PRIMPOL: variants seen among roughly 807,000 people sequenced by gnomAD.
PRIMPOL encodes primase and DNA directed polymerase.
A neutral mutation model predicts 63.6 loss-of-function variants in PRIMPOL; 54 were observed. The observed-to-expected ratio is 0.85, with a 90% CI of 0.68 to 1.07. The LOEUF is 1.07. PRIMPOL is among the 50% of genes least tolerant of loss of function. The pLI, the probability that PRIMPOL is intolerant of heterozygous loss-of-function variation, is 0.00. For synonymous variants in PRIMPOL, 197 were observed against 220.2 expected, an observed-to-expected ratio of 0.89 and a Z score of 0.93; for missense variants, 610 against 648.3, an observed-to-expected ratio of 0.94 and a Z score of 0.64.
intron 13 of PRIMPOL, among the ~76,000 whole-genome samples, chr4:184,693,123 G>A (rs533066000): frequency 5.3e-5 from 8 of 152,196 alleles, no homozygotes; most frequent in African/African-American, 1.7e-4. Context: ...GTCTTAACAC[G>A]TCTCTCGAAA....
At chr4:184,687,048 T>C (rs1757152791) in intron 11 of PRIMPOL, among the ~76,000 whole-genome samples, 2 of 152,196 alleles carry the variant, frequency 1.3e-5, no homozygotes, top group Admixed American at 6.5e-5. Flanking sequence ...GAATATATCA[T>C]ACATACAAAA....
At chr4:184,667,760 C>G (rs906945783) in intron 6 of PRIMPOL, among the ~76,000 whole-genome samples, 1 of 152,192 alleles carries the variant, frequency 6.6e-6, no homozygotes, top group African/African-American at 2.4e-5. Flanking sequence ...AACAATCTTT[C>G]CAGACATCAC....
chr4:184,685,695 T>A lies in PRIMPOL; in HGVS notation c.1295+11T>A, dbSNP rs767600222. ...GAGTAATAATATAATGTAAGTAATATTAATGATTTGTGTGTATTTAACCAA... is the reference window on the plus strand; with the variant it reads ...GAGTAATAATATAATGTAAGTAATAATAATGATTTGTGTGTATTTAACCAA... On this transcript the variant is annotated intron_variant, in intron 11 of 13. Coordinates refer to ENST00000314970, the MANE Select transcript of PRIMPOL (RefSeq NM_152683.4). The A allele has an allele frequency of 1.8e-5, 22 of 1,244,816 alleles. No individual in the cohort carries two copies. Among genetic ancestry groups the A allele is most frequent in the Middle Eastern group, 2.2e-4 (1 of 4,446 alleles). 77.1% of individuals were successfully genotyped at this position (1,244,816 alleles called of 1,614,324 possible).
In PRIMPOL at chr4:184,689,253, G is replaced by A. The variant is rs191889056; in HGVS notation, c.1296-2246G>A. On this transcript the variant is annotated intron_variant, in intron 11 of 13. Transcript: ENST00000314970. ...TAATTTTTAAATTTTTTGTAGGTGG[G>A]ATCTCCCTCTCTTGCCCAGGTTGGC... Among the ~76,000 whole-genome samples, 15 of 151,936 alleles carry A rather than the reference G, an allele frequency of 9.9e-5. 1 individual carries two copies. The East Asian group carries it at 2.1e-3, about 22-fold the overall frequency.
At chr4:184,674,831 C>T (rs1207566698) in intron 7 of PRIMPOL, among the ~76,000 whole-genome samples, 2 of 152,142 alleles carry the variant, frequency 1.3e-5, no homozygotes, top group African/African-American at 2.4e-5. Context: ...CATCTGTTTA[C>T]ACGACGAATC....
Position 184,672,435 on chromosome 4 carries a change from A to G in PRIMPOL, c.819A>G (p.Gly273=). The G allele has an allele frequency of 6.2e-7, 1 of 1,610,142 alleles. No homozygotes were observed. The highest frequency in any genetic ancestry group is 1.7e-5 in the Admixed American group (1 of 59,058). Residue 273 remains glycine, a synonymous_variant, in exon 7 of 14, where the codon GGA becomes GGG. Coordinates refer to ENST00000314970, the MANE Select transcript of PRIMPOL (RefSeq NM_152683.4). ...LSFLVVKNNM[G]EKHLFVDLGV... is the part of the protein sequence containing the mutation. ...TTCTAGTTGTGAAGAATAACATGGG[A>G]GAGAAGCATCTTTTTGTAGATCTCG...
intron 1 of PRIMPOL, among the ~76,000 whole-genome samples, chr4:184,651,164 A>G (rs2705880): frequency 0.98 from 148,176 of 151,858 alleles, 72,394 homozygotes; most frequent in Non-Finnish European, 1. Flanking sequence ...AGTGGTGGGC[A>G]CCTGTAATCC....
At chr4:184,664,587 G>A (rs539198847) in intron 5 of PRIMPOL, among the ~76,000 whole-genome samples, 1 of 152,320 alleles carries the variant, frequency 6.6e-6, no homozygotes, top group African/African-American at 2.4e-5. Flanking sequence ...AGTACAAATG[G>A]AGAAGGGGAC....
Position 184,691,504 on chromosome 4 carries a change from T to C in PRIMPOL, c.1301T>C (p.Leu434Pro). 6.3e-7 allele frequency: 1 copy of C among 1,579,140 alleles called. No homozygotes were observed. The highest frequency in any genetic ancestry group is 1.3e-5 in the African/African-American group (1 of 74,120). ...TTTTTTTTTTAAACATAAAGGATTCTGGTTGATCTGAAAAATGAAGTTTGG... is the reference window on the plus strand; with the variant it reads ...TTTTTTTTTTAAACATAAAGGATTCCGGTTGATCTGAAAAATGAAGTTTGG... ...RAHKSNNIMI[L>P]VDLKNEVWYQ... The change falls in exon 12 of 14, where the codon CTG (leucine) becomes CCG (proline). Residue 434 changes from leucine to proline, a missense_variant. Leu to Pro is a moderately conservative substitution (Grantham distance 98). Coordinates refer to ENST00000314970, the MANE Select transcript of PRIMPOL (RefSeq NM_152683.4).
At chr4:184,653,822 C>A (rs1040790417) in intron 2 of PRIMPOL, among the ~76,000 whole-genome samples, 1 of 152,336 alleles carries the variant, frequency 6.6e-6, no homozygotes, top group African/African-American at 2.4e-5. Flanking sequence ...GACATATTCC[C>A]CCAGAGGGGA....
chr4:184,694,355 T>G, intron 13 of PRIMPOL, 167 bp from the exon 14 acceptor site: 1 of 1,404,044 alleles, frequency 7.1e-7, no homozygotes, highest in South Asian at 1.7e-5. Context: ...TTTGAATCAG[T>G]GCACTCATTC....
intron 8 of PRIMPOL, among the ~76,000 whole-genome samples, chr4:184,679,178 C>T (rs1754932162): frequency 6.6e-6 from 1 of 152,148 alleles, no homozygotes; most frequent in Non-Finnish European, 1.5e-5. Context: ...AATTTGCCAA[C>T]AATTAATTGT....
intron 8 of PRIMPOL, among the ~76,000 whole-genome samples, 168 bp downstream of exon 8, chr4:184,678,562 C>G (rs1415204250): frequency 1.4e-5 from 2 of 142,010 alleles, no homozygotes; most frequent in Admixed American, 7.3e-5. Context: ...GAGTCTCCCT[C>G]TGTCACCCAG....
Position 184,685,462 on chromosome 4 carries a change from GTTCT to G in PRIMPOL, c.1157_1160del (p.Ser386TrpfsTer2), listed in dbSNP as rs751795749. 6.2e-6 allele frequency: 10 copies of G among 1,612,986 alleles called. No homozygotes were observed. The African/African-American group carries it at 8.0e-5, about 13-fold the overall frequency. The stretch of plus-strand genomic sequence containing the variant: ...TCCCTATCCTGAAGTTGATCATTTT[GTTCT>G]TTCTTTGGTGAATAAAGATGGCATT... On this transcript the variant is annotated frameshift_variant, in exon 10 of 14. Transcript: ENST00000314970. LOFTEE classifies it high-confidence loss of function.
At chr4:184,685,309 G>C in intron 9 of PRIMPOL, 100 bp from the exon 10 acceptor site, 1 of 825,904 alleles carries the variant, frequency 1.2e-6, no homozygotes, top group Non-Finnish European at 2.0e-6. Flanking sequence ...GGAAGGCTGA[G>C]AGATTGCAAA....
intron 11 of PRIMPOL, among the ~76,000 whole-genome samples, chr4:184,691,037 C>T (rs1758378041): frequency 1.3e-5 from 2 of 152,198 alleles, no homozygotes; most frequent in Admixed American, 1.3e-4. Flanking sequence ...TTATAAAGAA[C>T]TGCTTCATAT....
chr4:184,677,965 TTC>T (rs1333576966), intron 7 of PRIMPOL, among the ~76,000 whole-genome samples: 1 of 152,218 alleles, frequency 6.6e-6, no homozygotes, highest in Non-Finnish European at 1.5e-5. Context: ...GTCTCAAACT[TTC>T]TAGTACCTGC....
intron 2 of PRIMPOL, among the ~76,000 whole-genome samples, chr4:184,656,201 T>C (rs1490670898): frequency 6.6e-6 from 1 of 152,190 alleles, no homozygotes; most frequent in Non-Finnish European, 1.5e-5. Flanking sequence ...TAACCAAGTC[T>C]GCTGCAAAGG....
intron 5 of PRIMPOL, among the ~76,000 whole-genome samples, chr4:184,665,158 C>G (rs141503133): frequency 1.4e-4 from 21 of 152,280 alleles, no homozygotes; most frequent in African/African-American, 4.8e-4. Context: ...GGCTGCACAA[C>G]CAAGGCTTTT....
Sources: gnomAD v4.1 joint callset for allele counts (sites outside exome capture counted in the v4.1 genomes callset) on GRCh38, gnomAD v4.1.1 for gene constraint, MANE v1.5 for transcripts, NCBI Gene and HGNC (gene_info 2026-07-23, HGNC 2026-07-21) for gene names.